Variants in IGF2BP3 observed in about 807,000 individuals in gnomAD.
The protein encoded by IGF2BP3 is insulin like growth factor 2 mRNA binding protein 3, also known as insulin-like growth factor 2 mRNA-binding protein 3.
IGF2BP3 carries 9 observed loss-of-function variants against 73.8 expected under a neutral mutation model. The observed-to-expected ratio is 0.12, with a 90% confidence interval of 0.07 to 0.21. IGF2BP3 has a LOEUF of 0.21. IGF2BP3 is among the 10% of genes least tolerant of loss of function. The pLI is 1.00. For synonymous variants in IGF2BP3, 258 were observed against 256.7 expected (o/e 1.01, Z -0.05); for missense variants, 542 against 714.0 (o/e 0.76, Z 2.75).
intron 12 of IGF2BP3, among the ~76,000 whole-genome samples, chr7:23,316,683 AAAAAAAAAAAAG>A (rs1783999540): frequency 6.6e-6 from 1 of 151,628 alleles, no homozygotes; most frequent in Non-Finnish European, 1.5e-5. Context: ...TCAAAAAAAA[AAAAAAAAAAAAG>A]AGAAAAAAAA....
intron 10 of IGF2BP3, among the ~76,000 whole-genome samples, chr7:23,340,514 G>A (rs2128500573): frequency 6.6e-6 from 1 of 152,268 alleles, no homozygotes; most frequent in East Asian, 1.9e-4. Flanking sequence ...ATTCTAGGTA[G>A]TAATACAGTG....
At chr7:23,448,902 A>G (rs1228333608) in intron 2 of IGF2BP3, among the ~76,000 whole-genome samples, 1 of 151,690 alleles carries the variant, frequency 6.6e-6, no homozygotes, top group Non-Finnish European at 1.5e-5. Context: ...AAAGTTCTGG[A>G]ATTACAGGCA....
intron 2 of IGF2BP3, among the ~76,000 whole-genome samples, chr7:23,453,296 A>T (rs1282881857): frequency 6.6e-6 from 1 of 152,214 alleles, no homozygotes; most frequent in South Asian, 2.1e-4. Flanking sequence ...CCTTTACAAA[A>T]ATTCCCCTTC....
At chr7:23,423,892 G>C (rs1469506485) in intron 2 of IGF2BP3, among the ~76,000 whole-genome samples, 1 of 152,010 alleles carries the variant, frequency 6.6e-6, no homozygotes, top group Non-Finnish European at 1.5e-5. Flanking sequence ...GGCCGAGGCA[G>C]GCAGATCACG....
chr7:23,445,957 G>A (rs180774090), intron 2 of IGF2BP3, among the ~76,000 whole-genome samples: 1 of 152,204 alleles, frequency 6.6e-6, no homozygotes, highest in Non-Finnish European at 1.5e-5. Context: ...AAAGCTGCTC[G>A]TCTAAAATGA....
intron 5 of IGF2BP3, among the ~76,000 whole-genome samples, chr7:23,360,503 G>T (rs1490469968): frequency 1.3e-5 from 2 of 152,210 alleles, no homozygotes; most frequent in Non-Finnish European, 2.9e-5. Flanking sequence ...CTGGGAGGAA[G>T]ATTTGTACTA....
At chr7:23,381,350 G>C (rs920143793) in intron 3 of IGF2BP3, among the ~76,000 whole-genome samples, 5 of 152,130 alleles carry the variant, frequency 3.3e-5, no homozygotes, top group Non-Finnish European at 5.9e-5. Context: ...CCCACACTAC[G>C]TGACTCTAAA....
intron 6 of IGF2BP3, among the ~76,000 whole-genome samples, chr7:23,349,036 C>T (rs1453273528): frequency 6.6e-6 from 1 of 152,126 alleles, no homozygotes; most frequent in Non-Finnish European, 1.5e-5. Flanking sequence ...AGAGATACAT[C>T]CCCAACTTAC....
At chr7:23,363,008 G>C (rs535755027) in intron 3 of IGF2BP3, among the ~76,000 whole-genome samples, 1 of 152,214 alleles carries the variant, frequency 6.6e-6, no homozygotes, top group African/African-American at 2.4e-5. Flanking sequence ...TCCTGCCCTG[G>C]CCTCCCAAAG....
chr7:23,395,583 G>A (rs540865644), intron 3 of IGF2BP3, among the ~76,000 whole-genome samples: 3 of 151,390 alleles, frequency 2.0e-5, no homozygotes, highest in African/African-American at 4.9e-5. Flanking sequence ...GCAATATGGC[G>A]AGACCCCATC....
At chr7:23,424,690 C>A (rs1787449243) in intron 2 of IGF2BP3, among the ~76,000 whole-genome samples, 1 of 151,968 alleles carries the variant, frequency 6.6e-6, no homozygotes, top group Non-Finnish European at 1.5e-5. Flanking sequence ...TTCCAGACAA[C>A]CCTGGGCAAC....
intron 3 of IGF2BP3, among the ~76,000 whole-genome samples, chr7:23,377,567 G>T (rs1046647508): frequency 6.6e-6 from 1 of 152,134 alleles, no homozygotes; most frequent in African/African-American, 2.4e-5. Flanking sequence ...AAAACTGTCT[G>T]GTTGTTCTTC....
intron 10 of IGF2BP3, among the ~76,000 whole-genome samples, chr7:23,339,404 A>G (rs1169282086): frequency 6.6e-6 from 1 of 152,234 alleles, no homozygotes; most frequent in Non-Finnish European, 1.5e-5. Flanking sequence ...TAACATAGGA[A>G]CCTGATACAC....
chr7:23,339,377 A>G (rs565022850), intron 10 of IGF2BP3, among the ~76,000 whole-genome samples: 1 of 152,362 alleles, frequency 6.6e-6, no homozygotes, highest in African/African-American at 2.4e-5. Context: ...CTTCTCTCAA[A>G]GCATTCTTAA....
At chr7:23,330,023 C>T (rs1420726847) in intron 10 of IGF2BP3, among the ~76,000 whole-genome samples, 1 of 152,064 alleles carries the variant, frequency 6.6e-6, no homozygotes, top group Non-Finnish European at 1.5e-5. Context: ...CGGTGGCTCA[C>T]GCCTGTAATC....
chr7:23,391,885 C>T (rs1786288443), intron 3 of IGF2BP3, among the ~76,000 whole-genome samples: 2 of 152,166 alleles, frequency 1.3e-5, no homozygotes, highest in South Asian at 4.1e-4. Flanking sequence ...TGTTCATGAA[C>T]CACTACTTTT....
chr7:23,366,990 T>TTC (rs1467180326), intron 3 of IGF2BP3, among the ~76,000 whole-genome samples: 2 of 141,552 alleles, frequency 1.4e-5, no homozygotes, highest in East Asian at 4.0e-4. Flanking sequence ...ACATTTTGCT[T>TTC]TTTTTTTTTT....
chr7:23,435,024 GGTGGCT>G (rs1562752139), intron 2 of IGF2BP3, among the ~76,000 whole-genome samples: 1 of 151,746 alleles, frequency 6.6e-6, no homozygotes, highest in African/African-American at 2.4e-5. Context: ...GGCCAGGCGT[GGTGGCT>G]CCTGCCTGTA....
chr7:23,403,730 A>G (rs1430881787), intron 3 of IGF2BP3, among the ~76,000 whole-genome samples: 4 of 152,128 alleles, frequency 2.6e-5, no homozygotes, highest in African/African-American at 9.7e-5. Context: ...AAGTTTTTCC[A>G]TTTCCCAATT....
Sources: allele counts gnomAD v4.1 joint callset (sites outside exome capture counted in the v4.1 genomes callset), GRCh38; gene constraint gnomAD v4.1.1; transcripts MANE v1.5; gene names NCBI Gene and HGNC (gene_info 2026-07-23, HGNC 2026-07-21).